CHSY1: variants seen among roughly 807,000 people sequenced by gnomAD.
CHSY1 encodes chondroitin sulfate synthase 1.
Under a neutral mutation model 59.8 loss-of-function variants are expected in CHSY1, and 13 were observed. The observed-to-expected ratio is 0.22, with a 90% CI of 0.14 to 0.35. The LOEUF (loss-of-function observed/expected upper bound fraction) is 0.35. CHSY1 is among the 10% of genes least tolerant of loss of function. The pLI, the probability that CHSY1 is intolerant of heterozygous loss-of-function variation, is 1.00. For synonymous variants in CHSY1, 459 were observed against 401.2 expected (o/e 1.14, Z -1.72); for missense variants, 947 against 1,030.6 (o/e 0.92, Z 1.11).
chr15:101,179,888 T>A (rs1485584515), intron 2 of CHSY1, among the ~76,000 whole-genome samples: 1 of 152,226 alleles, frequency 6.6e-6, no homozygotes. Context: ...CCTCAGTACA[T>A]CTGGGCAAGG....
At chr15:101,232,531 T>A (rs935443084) in intron 2 of CHSY1, among the ~76,000 whole-genome samples, 1 of 152,210 alleles carries the variant, frequency 6.6e-6, no homozygotes, top group Admixed American at 6.5e-5. Flanking sequence ...ACTTCAAACA[T>A]GTAAGAAAAC....
chr15:101,178,749 G>T lies in CHSY1; in HGVS notation c.1048C>A (p.His350Asn), dbSNP rs753484761. The change falls in exon 3 of 3, where the codon CAT becomes AAT. Residue 350 changes from histidine to asparagine, a missense_variant. Physicochemically the swap from His to Asn is moderately conservative, Grantham distance 68. Transcript: ENST00000254190. ...ATTCCCAGCTGGAGGTCCTCTTTAT[G>T]AATTTCTGTGTTGCTGTATTTGCTC... is the stretch of plus-strand genomic sequence containing the variant. ...LMSKYSNTEI[H>N]KEDLQLGIPP... 7.4e-6 allele frequency: 12 copies of T among 1,614,114 alleles called. No homozygotes were observed. The Middle Eastern group carries it at 4.9e-4, about 66-fold the overall frequency.
At chr15:101,197,340 T>C (rs2038519562) in intron 2 of CHSY1, among the ~76,000 whole-genome samples, 1 of 152,200 alleles carries the variant, frequency 6.6e-6, no homozygotes, top group African/African-American at 2.4e-5. Context: ...CACAAGACAC[T>C]TCCATACCTG....
chr15:101,200,852 A>AC (rs34185095), intron 2 of CHSY1, among the ~76,000 whole-genome samples: 13 of 151,888 alleles, frequency 8.6e-5, no homozygotes, highest in Admixed American at 3.3e-4. Flanking sequence ...TGCTCTGCAT[A>AC]CCCCTTAGGT....
chr15:101,248,638 A>G (rs1413303244), intron 1 of CHSY1, among the ~76,000 whole-genome samples: 1 of 152,232 alleles, frequency 6.6e-6, no homozygotes. Flanking sequence ...AAAAAATAAT[A>G]AATAAACAAT....
intron 2 of CHSY1, among the ~76,000 whole-genome samples, chr15:101,218,404 C>G (rs2038756291): frequency 6.6e-6 from 1 of 152,176 alleles, no homozygotes; most frequent in Non-Finnish European, 1.5e-5. Context: ...TGAGAACAGC[C>G]TGGTCAACAT....
intron 1 of CHSY1, among the ~76,000 whole-genome samples, chr15:101,245,735 T>C (rs778390058): frequency 2.0e-5 from 3 of 152,196 alleles, no homozygotes; most frequent in Non-Finnish European, 2.9e-5. Context: ...TTCAAGATCT[T>C]GAACCTGACA....
intron 2 of CHSY1, among the ~76,000 whole-genome samples, chr15:101,223,180 A>G (rs1303485488): frequency 6.6e-6 from 1 of 152,190 alleles, no homozygotes; most frequent in Non-Finnish European, 1.5e-5. Context: ...TTTTTAGTAG[A>G]GACAGGGTTT....
intron 2 of CHSY1, among the ~76,000 whole-genome samples, chr15:101,223,365 G>A (rs1176882046): frequency 6.6e-6 from 1 of 152,208 alleles, no homozygotes; most frequent in East Asian, 1.9e-4. Context: ...AACAAAAGCT[G>A]AGGCTTAAGA....
At chr15:101,194,338 T>C (rs1307463803) in intron 2 of CHSY1, among the ~76,000 whole-genome samples, 4 of 151,960 alleles carry the variant, frequency 2.6e-5, no homozygotes, top group African/African-American at 9.7e-5. Context: ...CTTAGCCTGT[T>C]TGTGTGTCCA....
chr15:101,251,627 CCCCGCGCCGGCGCTTTGTTCCGCACG>C lies in CHSY1; in HGVS notation c.-197_-172del, dbSNP rs1348506083. ...TCGCGGCCCCCGAGCCGCCCGCAGG[CCCCGCGCCGGCGCTTTGTTCCGCACG>C]CCCGCCCCCGCCGCCGCGGCCTGCG... On this transcript the variant is annotated 5_prime_UTR_variant, in exon 1 of 3. It removes the in-frame stop codon of an upstream open reading frame in the 5' UTR. Transcript: ENST00000254190. 1.4e-5 allele frequency: 2 copies of C among 146,324 alleles called. No homozygotes were observed. Among genetic ancestry groups the C allele is most frequent in the Non-Finnish European group, 3.0e-5 (2 of 65,968 alleles). The allele number at this position is 146,324 out of a possible 1,614,324, so 9.1% of individuals were successfully genotyped here.
intron 2 of CHSY1, among the ~76,000 whole-genome samples, chr15:101,229,303 T>C (rs980453855): frequency 3.3e-5 from 5 of 152,202 alleles, no homozygotes; most frequent in African/African-American, 1.2e-4. Flanking sequence ...TCCAACTATA[T>C]GCTGTCTTCA....
At chr15:101,217,947 C>T (rs1049035526) in intron 2 of CHSY1, among the ~76,000 whole-genome samples, 1 of 152,212 alleles carries the variant, frequency 6.6e-6, no homozygotes, top group African/African-American at 2.4e-5. Context: ...TCCCTTCAGT[C>T]AAGTGATCAA....
intron 2 of CHSY1, among the ~76,000 whole-genome samples, chr15:101,209,775 A>G (rs1208670473): frequency 6.6e-6 from 1 of 152,228 alleles, no homozygotes; most frequent in Non-Finnish European, 1.5e-5. Context: ...TTTTCTTAGA[A>G]GATACATAGT....
At chr15:101,224,326 C>T (rs1443228565) in intron 2 of CHSY1, among the ~76,000 whole-genome samples, 1 of 152,202 alleles carries the variant, frequency 6.6e-6, no homozygotes, top group East Asian at 1.9e-4. Context: ...ACCTATCAAA[C>T]ATATGACTGG....
At chr15:101,215,258 T>C (rs1214631229) in intron 2 of CHSY1, among the ~76,000 whole-genome samples, 1 of 152,222 alleles carries the variant, frequency 6.6e-6, no homozygotes, top group Non-Finnish European at 1.5e-5. Flanking sequence ...ATAAAGACTG[T>C]AAGTTACAGA....
chr15:101,194,230 A>G (rs879416378), intron 2 of CHSY1, among the ~76,000 whole-genome samples: 66 of 152,372 alleles, frequency 4.3e-4, no homozygotes, highest in Non-Finnish European at 5.3e-4. Flanking sequence ...ACATTAACAC[A>G]TAGACCACCC....
Sources: gnomAD v4.1 joint callset for allele counts (sites outside exome capture counted in the v4.1 genomes callset) on GRCh38, gnomAD v4.1.1 for gene constraint, MANE v1.5 for transcripts, NCBI Gene and HGNC (gene_info 2026-07-23, HGNC 2026-07-21) for gene names.